Variants in ADGRV1 observed in about 807,000 individuals in gnomAD.
ADGRV1 encodes adhesion G protein-coupled receptor V1, also known as G-protein coupled receptor 98.
ADGRV1 carries 359 observed loss-of-function variants against 596.2 expected under a neutral mutation model. The ratio of observed to expected loss-of-function variants is 0.60; its 90% confidence interval spans 0.55 to 0.66. ADGRV1 has a LOEUF of 0.66. Ranked by LOEUF, ADGRV1 falls within the 30% of genes least tolerant of loss-of-function variation. ADGRV1 has a pLI of 0.00. For synonymous variants in ADGRV1, 2,681 were observed against 2,679.2 expected (o/e 1.00, Z -0.02); for missense variants, 7,274 against 7,575.6 (o/e 0.96, Z 1.48).
chr5:90,822,350 A>G (rs1040759949), intron 75 of ADGRV1, among the ~76,000 whole-genome samples: 1 of 152,114 alleles, frequency 6.6e-6, no homozygotes, highest in Non-Finnish European at 1.5e-5. Context: ...GGTACCTCAG[A>G]TGGAAATGCA....
chr5:90,976,572 C>T (rs1779635240), intron 84 of ADGRV1, among the ~76,000 whole-genome samples: 1 of 151,834 alleles, frequency 6.6e-6, no homozygotes, highest in African/African-American at 2.4e-5. Flanking sequence ...AGAATAAATT[C>T]CTAGGAATTA....
At chr5:90,739,320 G>A (rs1254810349) in intron 50 of ADGRV1, among the ~76,000 whole-genome samples, 1 of 151,622 alleles carries the variant, frequency 6.6e-6, no homozygotes, top group Non-Finnish European at 1.5e-5. Flanking sequence ...ATCCATTATT[G>A]GAACTTTATT....
chr5:90,848,777 CT>C lies in ADGRV1; in HGVS notation c.17164del (p.Ser5722LeufsTer3). ...HFAEVTENFA[F>X]SLLTNVTCGS... ...TTGCTGAAGTGACTGAGAATTTTGC[CT>C]TTTCTCTGCTGACTAATGTTACTTG... On this transcript the variant is annotated frameshift_variant, in exon 79 of 90. Coordinates refer to ENST00000405460, the MANE Select transcript of ADGRV1 (RefSeq NM_032119.4). LOFTEE classifies it high-confidence loss of function. The C allele has an allele frequency of 6.3e-7, 1 of 1,587,940 alleles. No homozygotes were observed. The highest frequency in any genetic ancestry group is 1.2e-5 in the South Asian group (1 of 85,194).
At chr5:90,779,195 T>C (rs1758587510) in intron 64 of ADGRV1, 98 bp downstream of exon 64, 1 of 640,724 alleles carries the variant, frequency 1.6e-6, no homozygotes. Context: ...CTAAAGCAGT[T>C]CTTTCCCTAC....
chr5:90,809,409 T>C (rs940109302), intron 73 of ADGRV1, among the ~76,000 whole-genome samples: 1 of 151,968 alleles, frequency 6.6e-6, no homozygotes, highest in African/African-American at 2.4e-5. Flanking sequence ...ACGAAAGTCA[T>C]AGATAGATTA....
intron 87 of ADGRV1, among the ~76,000 whole-genome samples, chr5:91,140,849 C>T (rs535751665): frequency 1.3e-5 from 2 of 152,262 alleles, no homozygotes; most frequent in Non-Finnish European, 2.9e-5. Context: ...TGCTTTGAAA[C>T]TTAACAGAAT....
intron 87 of ADGRV1, among the ~76,000 whole-genome samples, chr5:91,116,714 A>G (rs1562240574): frequency 6.6e-6 from 1 of 152,150 alleles, no homozygotes; most frequent in Admixed American, 6.6e-5. Context: ...TCTGCCTGTT[A>G]TATTTGTCCT....
At chr5:90,969,341 A>C (rs1050037312) in intron 84 of ADGRV1, among the ~76,000 whole-genome samples, 7 of 152,240 alleles carry the variant, frequency 4.6e-5, no homozygotes, top group East Asian at 1.9e-4. Context: ...ATACTCTGCT[A>C]TTCCAATATA....
intron 85 of ADGRV1, among the ~76,000 whole-genome samples, chr5:90,996,508 G>C (rs1781430766): frequency 6.6e-6 from 1 of 152,228 alleles, no homozygotes; most frequent in African/African-American, 2.4e-5. Context: ...TGGATGTCCA[G>C]ACAGAAGTCT....
At position 90,840,945 on chromosome 5, in the gene ADGRV1, C is replaced by A. The variant is rs751531323; in HGVS notation, c.16979C>A (p.Thr5660Lys). Residue 5660 changes from threonine (T) to lysine (K), a missense_variant, in exon 78 of 90, where the codon ACA becomes AAA. Physicochemically the swap from Thr to Lys is moderately conservative, Grantham distance 78. Transcript: ENST00000405460. ...AGCATGAAAGTGGCCACAGAAAACACAGATGAACAACTCAGTGCCATGATG... is the reference window on the plus strand; with the variant it reads ...AGCATGAAAGTGGCCACAGAAAACAAAGATGAACAACTCAGTGCCATGATG... ...TISMKVATEN[T>K]DEQLSAMMHL... 1.1e-5 allele frequency: 17 copies of A among 1,493,614 alleles called. No homozygotes were observed. Among genetic ancestry groups the A allele is most frequent in the Non-Finnish European group, 1.5e-5 (17 of 1,118,942 alleles). The allele number at this position is 1,493,614 out of a possible 1,614,324, so 92.5% of individuals were successfully genotyped here.
At chr5:91,100,732 TAATC>T (rs1791304115) in intron 86 of ADGRV1, among the ~76,000 whole-genome samples, 1 of 152,200 alleles carries the variant, frequency 6.6e-6, no homozygotes, top group African/African-American at 2.4e-5. Flanking sequence ...GCCATCATCT[TAATC>T]AAGTGACCAA....
At chr5:90,817,097 T>A (rs1762974274) in intron 75 of ADGRV1, among the ~76,000 whole-genome samples, 2 of 152,316 alleles carry the variant, frequency 1.3e-5, no homozygotes, top group African/African-American at 4.8e-5. Flanking sequence ...TATTAATGAT[T>A]GCCGTTCTAA....
intron 85 of ADGRV1, among the ~76,000 whole-genome samples, chr5:91,064,661 A>G (rs1046059284): frequency 6.6e-6 from 1 of 152,230 alleles, no homozygotes; most frequent in African/African-American, 2.4e-5. Context: ...AATGCATTTT[A>G]GAATGTAGTT....
intron 89 of ADGRV1, among the ~76,000 whole-genome samples, chr5:91,162,082 T>C (rs1025254952): frequency 2.0e-5 from 3 of 152,200 alleles, no homozygotes; most frequent in African/African-American, 2.4e-5. Flanking sequence ...ACACTCGTTC[T>C]TGAGAAGGAG....
chr5:91,117,585 T>G (rs927113667), intron 87 of ADGRV1, among the ~76,000 whole-genome samples: 6 of 152,186 alleles, frequency 3.9e-5, no homozygotes, highest in Non-Finnish European at 1.5e-5. Context: ...ATAATCAGTT[T>G]CTTCATCATG....
rs1192844206 is a variant in ADGRV1, at chr5:91,051,537, ATTTTTTTTT to A, written c.18153-20891_18153-20883del. Reference sequence around the variant, plus strand: ...GGTATTAAATGCATTTTGACTTAGGATTTTTTTTTTTTTTTTTTTTTTTTTTTGAGGAAG... The same window carrying A: ...GGTATTAAATGCATTTTGACTTAGGATTTTTTTTTTTTTTTTTTGAGGAAG... On this transcript the variant is annotated intron_variant, in intron 85 of 89. Transcript: ENST00000405460. Among the ~76,000 whole-genome samples, 393 of 102,456 alleles carry A rather than the reference ATTTTTTTTT, an allele frequency of 3.8e-3. 4 individuals are homozygous for A. Among genetic ancestry groups the A allele is most frequent in the Admixed American group, 8.1e-3 (66 of 8,112 alleles). The allele number at this position is 102,456 out of a possible 152,430, so 67.2% of individuals were successfully genotyped here.
At chr5:90,759,748 G>A (rs956199189) in intron 58 of ADGRV1, 160 bp downstream of exon 58, 8 of 639,868 alleles carry the variant, frequency 1.3e-5, no homozygotes, top group Admixed American at 6.7e-5. Context: ...GGCAGATCAC[G>A]AGGTCAGGAG....
chr5:90,737,360 A>G (rs917143659), intron 50 of ADGRV1, among the ~76,000 whole-genome samples: 5 of 151,994 alleles, frequency 3.3e-5, no homozygotes, highest in Admixed American at 6.6e-5. Context: ...CATATAGTCT[A>G]TCCTGAAGAA....
At chr5:90,619,210 GT>G in intron 4 of ADGRV1, 29 bp downstream of exon 4, 1 of 999,498 alleles carries the variant, frequency 1.0e-6, no homozygotes, top group Non-Finnish European at 1.4e-6. Flanking sequence ...GATAATTGTG[GT>G]TGCTAGATAA....
Sources: allele counts gnomAD v4.1 joint callset (sites outside exome capture counted in the v4.1 genomes callset), GRCh38; gene constraint gnomAD v4.1.1; transcripts MANE v1.5; gene names NCBI Gene and HGNC (gene_info 2026-07-23, HGNC 2026-07-21).